EFTUD2: variants seen among roughly 807,000 people sequenced by gnomAD.
The protein encoded by EFTUD2 is elongation factor Tu GTP binding domain containing 2.
In EFTUD2, 9 loss-of-function variants were observed where a neutral mutation model predicts 114.3. The observed-to-expected ratio is 0.08, with a 90% CI of 0.05 to 0.14. The LOEUF is 0.14. Ranked by LOEUF, EFTUD2 falls within the 10% of genes least tolerant of loss-of-function variation. The pLI is 1.00. For missense variants in EFTUD2, 765 were observed against 1,241.2 expected, an observed-to-expected ratio of 0.62 and a Z score of 5.76; for synonymous variants, 449 against 462.3, an observed-to-expected ratio of 0.97 and a Z score of 0.37.
rs750647123 is a variant in EFTUD2, at chr17:44,850,359, A to G, written c.*915T>C. ...GCTGTGTACACAATGTACAGCGATT[A>G]CGTCAAGAGGATGGCACAGGATGCT... On this transcript the variant is annotated 3_prime_UTR_variant, in exon 28 of 28. Coordinates refer to ENST00000426333, the MANE Select transcript of EFTUD2 (RefSeq NM_004247.4). 1.1e-5 allele frequency: 17 copies of G among 1,613,356 alleles called. No individual in the cohort carries two copies. The highest frequency in any genetic ancestry group is 6.7e-5 in the Admixed American group (4 of 59,964).
At position 44,867,879 on chromosome 17, in the gene EFTUD2, C is replaced by T. The variant is rs1440331543; in HGVS notation, c.1077G>A (p.Lys359=). 1.9e-6 allele frequency: 3 copies of T among 1,601,002 alleles called. No homozygotes were observed. The highest frequency in any genetic ancestry group is 1.1e-5 in the South Asian group (1 of 88,468). Residue 359 remains lysine (K), a synonymous_variant, in exon 13 of 28, where the codon AAG becomes AAA. Coordinates refer to ENST00000426333, the MANE Select transcript of EFTUD2 (RefSeq NM_004247.4). ...TTCTCTGGGAGCTGCTAGTTGGGGC[C>T]TTTTTGGTGAACTTTCGCCTAAAAG... is the stretch of plus-strand genomic sequence containing the variant. ...FNPKTRKFTK[K]APTSSSQRSF...
chr17:44,853,809 G>A, intron 23 of EFTUD2, 174 bp from the exon 24 acceptor site: 1 of 1,439,652 alleles, frequency 6.9e-7, no homozygotes, highest in South Asian at 1.4e-5. Context: ...CATGGCAGAG[G>A]TCAGAAGTTA....
At chr17:44,880,272 G>C (rs1387121088) in intron 8 of EFTUD2, among the ~76,000 whole-genome samples, 1 of 152,188 alleles carries the variant, frequency 6.6e-6, no homozygotes, top group East Asian at 1.9e-4. Flanking sequence ...CTCCCCAGCA[G>C]ATAGCATGGG....
At chr17:44,853,225 G>A (rs1161926944) in intron 25 of EFTUD2, 71 bp downstream of exon 25, 3 of 1,515,722 alleles carry the variant, frequency 2.0e-6, no homozygotes, top group African/African-American at 1.4e-5. Flanking sequence ...TCTCTTCCCT[G>A]TAGGAGCCGA....
chr17:44,897,904 T>C (rs1441508402), intron 1 of EFTUD2, among the ~76,000 whole-genome samples: 3 of 152,116 alleles, frequency 2.0e-5, no homozygotes, highest in African/African-American at 7.2e-5. Flanking sequence ...AAAGTACCAA[T>C]GCTAACACAG....
At chr17:44,881,330 T>G (rs1016132045) in intron 7 of EFTUD2, among the ~76,000 whole-genome samples, 1 of 152,254 alleles carries the variant, frequency 6.6e-6, no homozygotes, top group African/African-American at 2.4e-5. Flanking sequence ...ATGGATGGAC[T>G]CATCCTGCGG....
At chr17:44,865,432 A>G (rs2050728579) in intron 13 of EFTUD2, among the ~76,000 whole-genome samples, 1 of 152,144 alleles carries the variant, frequency 6.6e-6, no homozygotes, top group African/African-American at 2.4e-5. Flanking sequence ...ATCATTGTGC[A>G]CTGGAAGGAA....
chr17:44,860,445 C>T lies in EFTUD2; in HGVS notation c.1706G>A (p.Arg569Gln), dbSNP rs771434418. Residue 569 changes from arginine to glutamine, a missense_variant, in exon 17 of 28, where the codon CGA becomes CAA. This residue lies in a region of EFTUD2 where 149 missense variants were observed against 245.1 expected (regional missense o/e 0.61). Coordinates refer to ENST00000426333, the MANE Select transcript of EFTUD2 (RefSeq NM_004247.4). ...IVKTATITEP[R>Q]GNEEAQIFRP... Reference sequence around the variant, plus strand: ...CAGAAACTCTACCTCCTCATTGCCTCGGGGTTCGGTTATGGTTGCTGTCTT... The same window carrying T: ...CAGAAACTCTACCTCCTCATTGCCTTGGGGTTCGGTTATGGTTGCTGTCTT... 1 of 1,613,788 alleles carries T rather than the reference C, an allele frequency of 6.2e-7. No homozygotes were observed. The highest frequency in any genetic ancestry group is 8.5e-7 in the Non-Finnish European group (1 of 1,179,764).
chr17:44,854,412 T>C lies in EFTUD2; in HGVS notation c.2260-56A>G. 1.9e-6 allele frequency: 3 copies of C among 1,593,630 alleles called. No homozygotes were observed. Among genetic ancestry groups the C allele is most frequent in the South Asian group, 2.2e-5 (2 of 89,128 alleles). On this transcript the variant is annotated intron_variant, in intron 22 of 27. Coordinates refer to ENST00000426333, the MANE Select transcript of EFTUD2 (RefSeq NM_004247.4). This position sits in a 1 kb window ranked among gnomAD's most constrained non-coding sequence, Gnocchi z 4.3. ...TCGCCCTGGCAACGGCTGAAGCATT[T>C]AGAGGGAGAAGACAGATGTGCCTGT...
chr17:44,894,419 C>CATCAAG lies in EFTUD2; in HGVS notation c.97_102dup (p.Leu33_Asp34dup), dbSNP rs1567757166. 6.2e-7 allele frequency: 1 copy of CATCAAG among 1,604,872 alleles called. No homozygotes were observed. Among genetic ancestry groups the CATCAAG allele is most frequent in the East Asian group, 2.2e-5 (1 of 44,856 alleles). On this transcript the variant is annotated inframe_insertion, in exon 2 of 28. Transcript: ENST00000426333. ...AAAGAGCAATATATTTGTTTTACCTCATCAAGATCTTTGGTCTCTCTACCC... is the reference window on the plus strand; with the variant it reads ...AAAGAGCAATATATTTGTTTTACCTCATCAAGATCAAGATCTTTGGTCTCTCTACCC...
Position 44,850,510 on chromosome 17 carries a change from G to GT in EFTUD2, c.*763dup. The GT allele has an allele frequency of 9.4e-6, 7 of 743,864 alleles. No individual in the cohort carries two copies. Among genetic ancestry groups the GT allele is most frequent in the Non-Finnish European group, 1.6e-5 (7 of 433,050 alleles). 46.1% of individuals were successfully genotyped at this position (743,864 alleles called of 1,614,324 possible). A position where few individuals can be genotyped will look rare whatever the true frequency, so the allele number is the denominator to read the frequency against. On this transcript the variant is annotated 3_prime_UTR_variant, in exon 28 of 28. Transcript: ENST00000426333. The stretch of plus-strand genomic sequence containing the variant: ...CTCTTTTTCACTGGGGGAGAACAGA[G>GT]TAAGGGACTGGTGGTAGCTGGGGAG...
chr17:44,868,202 T>A, intron 12 of EFTUD2, 85 bp downstream of exon 12: 1 of 1,231,058 alleles, frequency 8.1e-7, no homozygotes. Flanking sequence ...AGGTATTTAA[T>A]CTTTGAACTC....
At chr17:44,856,564 A>G (rs899660330) in intron 20 of EFTUD2, among the ~76,000 whole-genome samples, 17 of 151,010 alleles carry the variant, frequency 1.1e-4, no homozygotes, top group Middle Eastern at 3.5e-3. Context: ...TAAGCTGGGC[A>G]TGGTGGCTCA....
chr17:44,879,884 T>C (rs924816314), intron 8 of EFTUD2, among the ~76,000 whole-genome samples: 2 of 151,642 alleles, frequency 1.3e-5, no homozygotes, highest in Non-Finnish European at 2.9e-5. Flanking sequence ...AGAGCATGAG[T>C]CCACACACAC....
intron 11 of EFTUD2, among the ~76,000 whole-genome samples, chr17:44,871,343 AT>A (rs1194051362): frequency 8.6e-4 from 107 of 125,112 alleles, no homozygotes; most frequent in Middle Eastern, 5.4e-3. Flanking sequence ...CTGAACTTCA[AT>A]TTTTTTTTTT....
chr17:44,857,512 C>T (rs935351908), intron 19 of EFTUD2: 4 of 275,318 alleles, frequency 1.5e-5, no homozygotes, highest in African/African-American at 2.2e-5. Context: ...TGCTGAGACC[C>T]ACTGGCGTGC....
intron 15 of EFTUD2, 158 bp from the exon 16 acceptor site, chr17:44,863,064 G>C: frequency 3.6e-6 from 2 of 552,006 alleles, no homozygotes; most frequent in Non-Finnish European, 6.1e-6. Flanking sequence ...CCATCCCTCT[G>C]AGAAGGATGA....
rs752875719 is a variant in EFTUD2, at chr17:44,859,971, T to C, written c.1794A>G (p.Ser598=). 1 of 1,614,208 alleles carries C rather than the reference T, an allele frequency of 6.2e-7. No individual in the cohort carries two copies. Among genetic ancestry groups the C allele is most frequent in the Admixed American group, 1.7e-5 (1 of 59,992 alleles). Residue 598 remains serine, a synonymous_variant, in exon 18 of 28, where the codon TCA becomes TCG. Transcript: ENST00000426333. ...IKIAVEPVNP[S]ELPKMLDGLR... Reference sequence around the variant, plus strand: ...GGCCATCAAGCATCTTGGGCAGCTCTGAGGGGTTGACTGGCTCCACAGCAA... The same window carrying C: ...GGCCATCAAGCATCTTGGGCAGCTCCGAGGGGTTGACTGGCTCCACAGCAA...
intron 5 of EFTUD2, 85 bp downstream of exon 5, chr17:44,883,564 C>T: frequency 7.5e-7 from 1 of 1,331,320 alleles, no homozygotes; most frequent in Non-Finnish European, 1.1e-6. Flanking sequence ...GACCTCAAAC[C>T]TCAACCGCTG....
Sources: gnomAD v4.1 joint callset for allele counts (sites outside exome capture counted in the v4.1 genomes callset) on GRCh38, gnomAD v4.1.1 for gene constraint, gnomAD v4.1.1 regional missense constraint, Gnocchi (gnomAD v3.1) non-coding constraint, MANE v1.5 for transcripts, NCBI Gene and HGNC (gene_info 2026-07-23, HGNC 2026-07-21) for gene names.